Variants in FCHSD2 observed in about 807,000 individuals in gnomAD.
The protein encoded by FCHSD2 is FCH and double SH3 domains 2.
Under a neutral mutation model 108.1 loss-of-function variants are expected in FCHSD2, and 38 were observed. That is an observed-to-expected ratio of 0.35 (90% CI 0.27 to 0.46). The LOEUF is 0.46. FCHSD2 is among the 20% of genes least tolerant of loss of function. FCHSD2 has a pLI of 1.00. For synonymous variants in FCHSD2, 279 were observed against 314.7 expected, an observed-to-expected ratio of 0.89 and a Z score of 1.20; for missense variants, 751 against 897.8, an observed-to-expected ratio of 0.84 and a Z score of 2.09.
At chr11:73,060,295 A>T (rs1273414996) in intron 3 of FCHSD2, among the ~76,000 whole-genome samples, 1 of 152,232 alleles carries the variant, frequency 6.6e-6, no homozygotes, top group Non-Finnish European at 1.5e-5. Context: ...TCATATCTTC[A>T]TTTCTACCTA....
chr11:73,019,743 A>C (rs905800186), intron 3 of FCHSD2, among the ~76,000 whole-genome samples: 1 of 152,192 alleles, frequency 6.6e-6, no homozygotes, highest in Non-Finnish European at 1.5e-5. Context: ...TAAAGGTCCT[A>C]AATAATATTG....
intron 8 of FCHSD2, among the ~76,000 whole-genome samples, chr11:72,978,069 C>G (rs1303677648): frequency 1.3e-5 from 2 of 152,010 alleles, no homozygotes; most frequent in East Asian, 3.9e-4. Flanking sequence ...GGACAGAAAA[C>G]CAAACACCAC....
chr11:72,935,972 T>C (rs1198819425), intron 8 of FCHSD2, among the ~76,000 whole-genome samples: 1 of 152,228 alleles, frequency 6.6e-6, no homozygotes, highest in Non-Finnish European at 1.5e-5. Flanking sequence ...GCTCACCCAG[T>C]TGTGAGTGGG....
chr11:73,135,657 A>G (rs1286206137), intron 2 of FCHSD2, among the ~76,000 whole-genome samples: 1 of 152,202 alleles, frequency 6.6e-6, no homozygotes, highest in African/African-American at 2.4e-5. Flanking sequence ...AGTCAACAGG[A>G]AACACATCAG....
intron 8 of FCHSD2, chr11:72,941,178 C>T (rs1055768133): frequency 2.8e-6 from 1 of 356,778 alleles, no homozygotes; most frequent in Non-Finnish European, 5.1e-6. Context: ...AATAAATAAG[C>T]TATTTTAATA....
At chr11:73,101,568 G>A (rs892381390) in intron 2 of FCHSD2, among the ~76,000 whole-genome samples, 3 of 151,972 alleles carry the variant, frequency 2.0e-5, no homozygotes, top group African/African-American at 7.3e-5. Context: ...CTCCCGAGTA[G>A]CTGGGGCTAC....
intron 2 of FCHSD2, among the ~76,000 whole-genome samples, chr11:73,137,247 C>T (rs911115893): frequency 1.3e-5 from 2 of 151,216 alleles, no homozygotes; most frequent in African/African-American, 2.4e-5. Context: ...GTAGGTAATA[C>T]GGTATCCTAT....
At position 72,889,887 on chromosome 11, in the gene FCHSD2, G is replaced by A; in HGVS notation, c.983C>T (p.Ala328Val). The change falls in exon 11 of 20, where the codon GCT (alanine) becomes GTT (valine). Residue 328 changes from alanine (A) to valine (V), a missense_variant. Coordinates refer to ENST00000409418, the MANE Select transcript of FCHSD2 (RefSeq NM_014824.3). ...TGCCACACGTGTGGCCCATTTTCGA[G>A]CTTCCTTATTTAGACTGTGCTCCTC... ...TTEEHSLNKE[A>V]RKWATRVARE... 6.2e-7 allele frequency: 1 copy of A among 1,613,666 alleles called. No homozygotes were observed.
chr11:72,966,229 G>A (rs973868440), intron 8 of FCHSD2, among the ~76,000 whole-genome samples: 9 of 148,400 alleles, frequency 6.1e-5, no homozygotes, highest in African/African-American at 1.0e-4. Context: ...GTGCGATGTC[G>A]GCTCACTGCA....
chr11:73,079,351 G>A (rs112283538), intron 3 of FCHSD2, among the ~76,000 whole-genome samples: 2,033 of 151,428 alleles, frequency 0.013, 45 homozygotes, highest in African/African-American at 0.045. Context: ...TACCCGCCAC[G>A]ACGCCTGGCT....
At chr11:72,915,288 A>C (rs1855849488) in intron 9 of FCHSD2, among the ~76,000 whole-genome samples, 1 of 152,216 alleles carries the variant, frequency 6.6e-6, no homozygotes, top group Admixed American at 6.5e-5. Context: ...ACACTTTTAC[A>C]CTGTTGGTAG....
chr11:72,868,161 T>A (rs957857821), intron 12 of FCHSD2, 135 bp from the exon 13 acceptor site: 9 of 753,832 alleles, frequency 1.2e-5, no homozygotes, highest in East Asian at 5.5e-5. Context: ...TGGAATACTA[T>A]GCAGCCATAA....
At chr11:73,017,355 C>G (rs1299457973) in intron 3 of FCHSD2, among the ~76,000 whole-genome samples, 1 of 152,114 alleles carries the variant, frequency 6.6e-6, no homozygotes, top group Non-Finnish European at 1.5e-5. Context: ...TTATAGAAAT[C>G]ATTAACATTG....
At chr11:72,969,441 C>T (rs745415736) in intron 8 of FCHSD2, among the ~76,000 whole-genome samples, 5 of 152,162 alleles carry the variant, frequency 3.3e-5, no homozygotes, top group Non-Finnish European at 5.9e-5. Context: ...AAGAGAAAAA[C>T]ACTGAGAGGG....
At chr11:72,886,666 A>G (rs1464511665) in intron 12 of FCHSD2, among the ~76,000 whole-genome samples, 3 of 152,194 alleles carry the variant, frequency 2.0e-5, no homozygotes, top group African/African-American at 7.2e-5. Flanking sequence ...CAGGTCCTCC[A>G]TAAACTGGCC....
At chr11:72,854,077 A>T (rs1482394005) in intron 13 of FCHSD2, among the ~76,000 whole-genome samples, 1 of 152,226 alleles carries the variant, frequency 6.6e-6, no homozygotes, top group East Asian at 1.9e-4. Flanking sequence ...CCAGAAAATA[A>T]CAAGTGTTGA....
rs1159827138 is a variant in FCHSD2 at position 73,037,223 on chromosome 11, A to T, written c.166-21338T>A. On this transcript the variant is annotated intron_variant, in intron 3 of 19. Transcript: ENST00000409418. Reference sequence around the variant, plus strand: ...GCCCCCACACATGCATAGCCTCCCCATTAACAACATCCCCCACCACAGTGG... The same window carrying T: ...GCCCCCACACATGCATAGCCTCCCCTTTAACAACATCCCCCACCACAGTGG... 2.0e-5 allele frequency among the ~76,000 whole-genome samples: 3 copies of T among 152,286 alleles called. No homozygotes were observed. The East Asian group carries it at 5.8e-4, about 29-fold the overall frequency.
Position 73,121,816 on chromosome 11 carries a change from G to A in FCHSD2, c.119+18215C>T, listed in dbSNP as rs539772183. Among the ~76,000 whole-genome samples, 5 of 152,292 alleles carry A rather than the reference G, an allele frequency of 3.3e-5. No homozygotes were observed. The East Asian group carries it at 9.6e-4, about 29-fold the overall frequency. On this transcript the variant is annotated intron_variant, in intron 2 of 19. Transcript: ENST00000409418. ...TGATTATTAAAACATGGATTGCTGGGCTCCACTCTCAGAGTTCCTGATGCA... is the reference window on the plus strand; with the variant it reads ...TGATTATTAAAACATGGATTGCTGGACTCCACTCTCAGAGTTCCTGATGCA...
In FCHSD2 at chr11:73,029,712, G is replaced by A. The variant is rs571493242; in HGVS notation, c.166-13827C>T. 1.2e-4 allele frequency among the ~76,000 whole-genome samples: 18 copies of A among 152,234 alleles called. No individual in the cohort carries two copies. In the East Asian group the frequency reaches 1.5e-3, roughly 13 times the overall value. On this transcript the variant is annotated intron_variant, in intron 3 of 19. Transcript: ENST00000409418. Reference sequence around the variant, plus strand: ...CTTCCGGGGAACTTAAAGGGACAGCGTCCTTTTTCCCTGTCTTCATTTTCC... The same window carrying A: ...CTTCCGGGGAACTTAAAGGGACAGCATCCTTTTTCCCTGTCTTCATTTTCC...
Sources: allele counts gnomAD v4.1 joint callset (sites outside exome capture counted in the v4.1 genomes callset), GRCh38; gene constraint gnomAD v4.1.1; transcripts MANE v1.5; gene names NCBI Gene and HGNC (gene_info 2026-07-23, HGNC 2026-07-21).